Variants in EDIL3 observed in about 807,000 individuals in gnomAD.
EDIL3 encodes the protein EGF-like repeat and discoidin I-like domain-containing protein 3.
A neutral mutation model predicts 67.4 loss-of-function variants in EDIL3; 37 were observed. The observed-to-expected ratio is 0.55, with a 90% confidence interval of 0.42 to 0.72. EDIL3 has a LOEUF of 0.72. Among genes scored for constraint, EDIL3 ranks in the 30% least tolerant of loss-of-function variants. EDIL3 has a pLI of 0.00. For synonymous variants in EDIL3, 195 were observed against 196.3 expected (o/e 0.99, Z 0.05); for missense variants, 527 against 586.3 (o/e 0.90, Z 1.04).
intron 4 of EDIL3, among the ~76,000 whole-genome samples, chr5:84,140,465 T>C (rs768461692): frequency 2.6e-5 from 4 of 152,120 alleles, no homozygotes; most frequent in Non-Finnish European, 4.4e-5. Flanking sequence ...GTAAATCTAA[T>C]TGAGACAAAT....
chr5:84,165,052 A>C (rs1252142562), intron 4 of EDIL3, among the ~76,000 whole-genome samples: 1 of 152,110 alleles, frequency 6.6e-6, no homozygotes, highest in Admixed American at 6.6e-5. Context: ...AACCATTTGT[A>C]TGTAAAGGGG....
intron 4 of EDIL3, among the ~76,000 whole-genome samples, chr5:84,163,961 C>G (rs1748658452): frequency 6.6e-6 from 1 of 152,064 alleles, no homozygotes. Flanking sequence ...TAATACATAG[C>G]TCTTTAGAAG....
chr5:84,218,983 T>C (rs1282582494), intron 3 of EDIL3, among the ~76,000 whole-genome samples: 1 of 152,200 alleles, frequency 6.6e-6, no homozygotes, highest in Non-Finnish European at 1.5e-5. Context: ...CTGCTGATTG[T>C]AGACCCCTAA....
chr5:84,121,543 A>G, intron 5 of EDIL3, among the ~76,000 whole-genome samples: 1 of 33,746 alleles, frequency 3.0e-5, no homozygotes, highest in East Asian at 6.9e-4. Flanking sequence ...AGATCGATCT[A>G]TCTATCTATC....
chr5:83,973,164 T>C (rs563088508), intron 9 of EDIL3, among the ~76,000 whole-genome samples: 2 of 152,184 alleles, frequency 1.3e-5, no homozygotes, highest in African/African-American at 4.8e-5. Flanking sequence ...CTTATTTGCC[T>C]TTCAAGCCTG....
intron 9 of EDIL3, among the ~76,000 whole-genome samples, chr5:84,002,029 C>A (rs1395793864): frequency 6.6e-6 from 1 of 151,908 alleles, no homozygotes; most frequent in Admixed American, 6.6e-5. Context: ...ATACAAAAAT[C>A]TTCAAAAAAT....
chr5:83,996,490 T>A (rs1477715962), intron 9 of EDIL3, among the ~76,000 whole-genome samples: 2 of 152,176 alleles, frequency 1.3e-5, no homozygotes, highest in Non-Finnish European at 2.9e-5. Context: ...ATTTATTTGT[T>A]CTTTGAGCAA....
intron 5 of EDIL3, among the ~76,000 whole-genome samples, chr5:84,110,933 G>A (rs907461439): frequency 6.6e-6 from 1 of 152,156 alleles, no homozygotes; most frequent in Non-Finnish European, 1.5e-5. Flanking sequence ...GTATGCCTCT[G>A]TGTCCCCACC....
intron 1 of EDIL3, among the ~76,000 whole-genome samples, chr5:84,286,797 A>G (rs1008166713): frequency 6.6e-6 from 1 of 152,244 alleles, no homozygotes; most frequent in African/African-American, 2.4e-5. Context: ...CTCAGGTTGG[A>G]ATCAATTAGG....
chr5:84,126,703 A>G lies in EDIL3; in HGVS notation c.469+10538T>C, dbSNP rs139789713. On this transcript the variant is annotated intron_variant, in intron 5 of 10. Transcript: ENST00000296591. ...AAATTTTAAATTTCAGTCATCCAAT[A>G]ATACAAATAAACAGATGATTTTTAT... 5.7e-4 allele frequency among the ~76,000 whole-genome samples: 87 copies of G among 152,212 alleles called. No individual in the cohort carries two copies. The East Asian group carries it at 0.015, about 27-fold the overall frequency.
intron 1 of EDIL3, among the ~76,000 whole-genome samples, chr5:84,353,019 C>T (rs1448597068): frequency 6.6e-6 from 1 of 152,054 alleles, no homozygotes; most frequent in African/African-American, 2.4e-5. Context: ...TTAGAGGCAA[C>T]AGTCAGGGAT....
intron 6 of EDIL3, among the ~76,000 whole-genome samples, chr5:84,097,892 A>C (rs923527316): frequency 5.3e-5 from 8 of 152,126 alleles, no homozygotes; most frequent in African/African-American, 1.9e-4. Context: ...ACCCTCAGTT[A>C]GTTAGCAAAG....
chr5:84,348,828 A>G (rs1747293822), intron 1 of EDIL3, among the ~76,000 whole-genome samples: 1 of 152,200 alleles, frequency 6.6e-6, no homozygotes, highest in Admixed American at 6.5e-5. Context: ...AAACTTGTAC[A>G]AGATTCATAC....
chr5:84,069,990 C>T (rs1395155511), intron 6 of EDIL3, among the ~76,000 whole-genome samples: 1 of 151,972 alleles, frequency 6.6e-6, no homozygotes, highest in Non-Finnish European at 1.5e-5. Context: ...CCGGTAGACG[C>T]CAGCAGGCCA....
At chr5:84,073,370 T>C (rs1746782701) in intron 6 of EDIL3, among the ~76,000 whole-genome samples, 2 of 152,230 alleles carry the variant, frequency 1.3e-5, no homozygotes, top group South Asian at 4.2e-4. Context: ...GAGAAGGAAA[T>C]AAAGTGTATT....
intron 5 of EDIL3, among the ~76,000 whole-genome samples, chr5:84,130,278 A>G (rs1388676919): frequency 1.3e-5 from 2 of 152,146 alleles, no homozygotes; most frequent in African/African-American, 2.4e-5. Context: ...TGTATATTCT[A>G]TGAGAGTAGG....
intron 6 of EDIL3, among the ~76,000 whole-genome samples, chr5:84,091,900 A>C (rs1040109398): frequency 6.6e-6 from 1 of 152,226 alleles, no homozygotes; most frequent in African/African-American, 2.4e-5. Context: ...AGGTCTCATA[A>C]GCAATTTTAA....
chr5:84,146,646 AT>A (rs1748293962), intron 4 of EDIL3, among the ~76,000 whole-genome samples: 1 of 152,040 alleles, frequency 6.6e-6, no homozygotes, highest in African/African-American at 2.4e-5. Flanking sequence ...TTTAATGGGC[AT>A]TTGTTCCCTT....
chr5:84,367,003 C>A (rs1747751739), intron 1 of EDIL3, among the ~76,000 whole-genome samples: 1 of 152,214 alleles, frequency 6.6e-6, no homozygotes, highest in African/African-American at 2.4e-5. Context: ...TAACAAAATA[C>A]AATAGTTAAA....
Sources: allele counts gnomAD v4.1 joint callset (sites outside exome capture counted in the v4.1 genomes callset), GRCh38; gene constraint gnomAD v4.1.1; transcripts MANE v1.5; gene names NCBI Gene and HGNC (gene_info 2026-07-23, HGNC 2026-07-21).